Variants in SDK2 observed in about 807,000 individuals in gnomAD.
The protein encoded by SDK2 is protein sidekick-2.
Under a neutral mutation model 253.9 loss-of-function variants are expected in SDK2, and 105 were observed. The observed-to-expected ratio is 0.41, with a 90% CI of 0.35 to 0.49. The LOEUF (loss-of-function observed/expected upper bound fraction) is 0.49. Among genes scored for constraint, SDK2 ranks in the 20% least tolerant of loss-of-function variants. SDK2 has a pLI of 0.06. For missense variants in SDK2, 2,608 were observed against 3,003.0 expected (o/e 0.87, Z 3.07); for synonymous variants, 1,249 against 1,234.9 (o/e 1.01, Z -0.24).
intron 44 of SDK2, among the ~76,000 whole-genome samples, chr17:73,345,336 A>G (rs1035161703): frequency 6.6e-6 from 1 of 152,124 alleles, no homozygotes; most frequent in Admixed American, 6.6e-5. Context: ...AAAAGAAAAA[A>G]AAAGAGAAAG....
At chr17:73,492,006 A>T (rs968964038) in intron 2 of SDK2, among the ~76,000 whole-genome samples, 1 of 152,146 alleles carries the variant, frequency 6.6e-6, no homozygotes, top group Non-Finnish European at 1.5e-5. Flanking sequence ...GGCCAGCTTC[A>T]TGCCTCGCTT....
At chr17:73,456,851 G>T (rs555738876) in intron 3 of SDK2, among the ~76,000 whole-genome samples, 1 of 152,202 alleles carries the variant, frequency 6.6e-6, no homozygotes, top group East Asian at 1.9e-4. Context: ...CAACACGGAG[G>T]CTTGGAGATA....
chr17:73,410,938 T>C lies in SDK2; in HGVS notation c.2484+3706A>G, dbSNP rs147625151. Among the ~76,000 whole-genome samples, 209 of 152,302 alleles carry C rather than the reference T, an allele frequency of 1.4e-3. No homozygotes were observed. In the South Asian group the frequency reaches 0.016, roughly 11 times the overall value. ...CTGGCCCTCGGGGGAGCTGTTTGCC[T>C]TAAAAGTTTGTAGCTCAGCCCTCCC... On this transcript the variant is annotated intron_variant, in intron 18 of 44. Coordinates refer to ENST00000392650, the MANE Select transcript of SDK2 (RefSeq NM_001144952.2).
chr17:73,508,762 G>A (rs1401324167), intron 1 of SDK2, among the ~76,000 whole-genome samples: 1 of 152,224 alleles, frequency 6.6e-6, no homozygotes, highest in Non-Finnish European at 1.5e-5. Flanking sequence ...GACAGCTTCA[G>A]AGCTGGAGCA....
At chr17:73,484,936 G>A (rs950959025) in intron 2 of SDK2, among the ~76,000 whole-genome samples, 13 of 152,312 alleles carry the variant, frequency 8.5e-5, no homozygotes, top group South Asian at 8.3e-4. Flanking sequence ...TTATAGCCAT[G>A]AGCCACTGTG....
At position 73,358,106 on chromosome 17, in the gene SDK2, G is replaced by A. The variant is rs371296779; in HGVS notation, c.5566C>T (p.Arg1856Cys). 2.7e-5 allele frequency: 43 copies of A among 1,613,300 alleles called. No individual in the cohort carries two copies. Among genetic ancestry groups the A allele is most frequent in the Non-Finnish European group, 2.6e-5 (31 of 1,179,784 alleles). The change falls in exon 40 of 45, where the codon CGC becomes TGC. Residue 1856 changes from arginine (R) to cysteine (C), a missense_variant. Coordinates refer to ENST00000392650, the MANE Select transcript of SDK2 (RefSeq NM_001144952.2). ...SGDPGKGPITRYVIEARPSDE... is the reference protein window; with the variant it reads ...SGDPGKGPITCYVIEARPSDE... ...GAAGGTCTGGCCTCGATGACGTAGC[G>A]GGTGATGGGCCCTTTGCCCGGGTCT... is the stretch of plus-strand genomic sequence containing the variant.
At chr17:73,613,939 A>C (rs1183447620) in intron 1 of SDK2, among the ~76,000 whole-genome samples, 1 of 152,266 alleles carries the variant, frequency 6.6e-6, no homozygotes, top group African/African-American at 2.4e-5. Flanking sequence ...AATTCAATTT[A>C]TCTTCCACAG....
Position 73,437,778 on chromosome 17 carries a change from C to G in SDK2, c.961G>C (p.Glu321Gln). The G allele has an allele frequency of 6.2e-7, 1 of 1,614,030 alleles. No homozygotes were observed. The highest frequency in any genetic ancestry group is 8.5e-7 in the Non-Finnish European group (1 of 1,179,898). ...VKEPERHITA[E>Q]MEKVVDIPCQ... Reference sequence around the variant, plus strand: ...GGGATGTCCACCACCTTCTCCATCTCCGCAGTGATGTGTCTTTCTGGCTCC... The same window carrying G: ...GGGATGTCCACCACCTTCTCCATCTGCGCAGTGATGTGTCTTTCTGGCTCC... The change falls in exon 8 of 45, where the codon GAG becomes CAG. Residue 321 changes from glutamate (E) to glutamine (Q), a missense_variant. Coordinates refer to ENST00000392650, the MANE Select transcript of SDK2 (RefSeq NM_001144952.2).
At chr17:73,458,241 G>A (rs914824280) in intron 3 of SDK2, among the ~76,000 whole-genome samples, 1 of 152,208 alleles carries the variant, frequency 6.6e-6, no homozygotes, top group African/African-American at 2.4e-5. Context: ...ACTGTGCCCA[G>A]ACCAGACCTG....
In SDK2 at chr17:73,398,006, T is replaced by C. The variant is rs7209509; in HGVS notation, c.3354+29A>G. On this transcript the variant is annotated intron_variant, in intron 24 of 44. Transcript: ENST00000392650. ...CAATGACCAGAAGCTCATGGAGAGGTCCCACCCCTGCCCTCGAGGGAGCCT... is the reference window on the plus strand; with the variant it reads ...CAATGACCAGAAGCTCATGGAGAGGCCCCACCCCTGCCCTCGAGGGAGCCT... 6.4e-3 allele frequency: 10,333 copies of C among 1,604,120 alleles called. 523 individuals are homozygous for C. The African/African-American group carries it at 0.11, about 18-fold the overall frequency.
At chr17:73,569,719 G>A (rs1275967894) in intron 1 of SDK2, among the ~76,000 whole-genome samples, 1 of 151,808 alleles carries the variant, frequency 6.6e-6, no homozygotes, top group African/African-American at 2.4e-5. Flanking sequence ...ACACTATGCT[G>A]CACTCTGGGA....
At chr17:73,555,333 C>T (rs1296520920) in intron 1 of SDK2, among the ~76,000 whole-genome samples, 4 of 152,204 alleles carry the variant, frequency 2.6e-5, no homozygotes, top group Non-Finnish European at 5.9e-5. Context: ...AGCTCATCTC[C>T]AGTGGGGAGA....
intron 1 of SDK2, among the ~76,000 whole-genome samples, chr17:73,512,154 G>C (rs559683435): frequency 6.6e-6 from 1 of 152,136 alleles, no homozygotes; most frequent in Non-Finnish European, 1.5e-5. Context: ...CCTTGAGAAA[G>C]TTACTTAACC....
chr17:73,407,498 C>A (rs1421543592), intron 18 of SDK2, among the ~76,000 whole-genome samples: 1 of 152,134 alleles, frequency 6.6e-6, no homozygotes, highest in Non-Finnish European at 1.5e-5. Context: ...AATAATACTA[C>A]CAAACCCAAA....
At chr17:73,636,680 C>CAAAAAAAAAAAA (rs561026344) in intron 1 of SDK2, among the ~76,000 whole-genome samples, 1 of 50,982 alleles carries the variant, frequency 2.0e-5, no homozygotes, top group Non-Finnish European at 3.6e-5. Context: ...GACTCTGTCT[C>CAAAAAAAAAAAA]AAAAAAAAAA....
At chr17:73,406,465 G>T (rs1388076385) in intron 18 of SDK2, among the ~76,000 whole-genome samples, 1 of 151,700 alleles carries the variant, frequency 6.6e-6, no homozygotes, top group East Asian at 1.9e-4. Context: ...GGCCATGGTG[G>T]TCTTGAACTC....
Position 73,395,078 on chromosome 17 carries a change from G to T in SDK2, c.3592+77C>A. 1 of 1,134,386 alleles carries T rather than the reference G, an allele frequency of 8.8e-7. No homozygotes were observed. The highest frequency in any genetic ancestry group is 1.3e-6 in the Non-Finnish European group (1 of 795,080). 70.3% of individuals were successfully genotyped at this position (1,134,386 alleles called of 1,614,324 possible). On this transcript the variant is annotated intron_variant, in intron 25 of 44. Transcript: ENST00000392650. The surrounding 1 kb of genome is among the most constrained non-coding windows in gnomAD (Gnocchi z 4.3). ...TTGAACAACACCTTCAGCCTGGCACGCGCTTGGATGACCCTGAGGGCATAG... is the reference window on the plus strand; with the variant it reads ...TTGAACAACACCTTCAGCCTGGCACTCGCTTGGATGACCCTGAGGGCATAG...
At chr17:73,421,816 C>T (rs2063233803) in intron 15 of SDK2, among the ~76,000 whole-genome samples, 1 of 152,162 alleles carries the variant, frequency 6.6e-6, no homozygotes, top group African/African-American at 2.4e-5. Context: ...CCGCCTCAGC[C>T]TCCTGACGTG....
intron 1 of SDK2, among the ~76,000 whole-genome samples, chr17:73,559,145 C>A (rs1270937569): frequency 6.6e-6 from 1 of 152,096 alleles, no homozygotes; most frequent in Non-Finnish European, 1.5e-5. Context: ...GCACCGGGGC[C>A]CCACAAGCAA....
Sources: gnomAD v4.1 joint callset for allele counts (sites outside exome capture counted in the v4.1 genomes callset) on GRCh38, gnomAD v4.1.1 for gene constraint, Gnocchi (gnomAD v3.1) non-coding constraint, MANE v1.5 for transcripts, NCBI Gene and HGNC (gene_info 2026-07-23, HGNC 2026-07-21) for gene names.